The following HUWE1 variants were observed in gnomAD, a reference collection of about 807,000 sequenced individuals.
The protein encoded by HUWE1 is E3 ubiquitin-protein ligase HUWE1.
In HUWE1, 18 loss-of-function variants were observed where a neutral mutation model predicts 299.4. That is an observed-to-expected ratio of 0.06 (90% CI 0.04 to 0.09). HUWE1 has a LOEUF of 0.09. Among genes scored for constraint, HUWE1 ranks in the 10% least tolerant of loss-of-function variants. The pLI, the probability that HUWE1 is intolerant of heterozygous loss-of-function variation, is 1.00. For synonymous variants in HUWE1, 1,317 were observed against 1,286.1 expected (o/e 1.02, Z -0.51); for missense variants, 1,832 against 3,462.3 (o/e 0.53, Z 11.82).
chrX:53,601,050 T>C (rs1459210425), intron 28 of HUWE1, among the ~76,000 whole-genome samples: 1 of 112,204 alleles, frequency 8.9e-6, no homozygotes, highest in African/African-American at 3.2e-5. Flanking sequence ...AGTTTATTAA[T>C]GTTATCCCAT....
chrX:53,615,749 T>C lies in HUWE1; in HGVS notation c.2044A>G (p.Ile682Val), dbSNP rs147812278. The change falls in exon 22 of 84, where the codon ATC (isoleucine) becomes GTC (valine). Residue 682 changes from isoleucine to valine, a missense_variant. This residue lies in a region of HUWE1 where 658 missense variants were observed against 1,282.6 expected (regional missense o/e 0.51). Coordinates refer to ENST00000262854, the MANE Select transcript of HUWE1 (RefSeq NM_031407.7). ...TLKTDATTAI[I>V]KLLEEICNLG... ...ACATCCTTATCACTTTCTACCTTGA[T>C]GATGGCAGTCGTTGCATCTGTTTTA... is the stretch of plus-strand genomic sequence containing the variant. 5.0e-6 allele frequency: 6 copies of C among 1,197,801 alleles called. No homozygotes were observed. Among genetic ancestry groups the C allele is most frequent in the Non-Finnish European group, 5.7e-6 (5 of 884,559 alleles).
chrX:53,605,074 G>A (rs2065077623), intron 25 of HUWE1, among the ~76,000 whole-genome samples: 1 of 111,923 alleles, frequency 8.9e-6, no homozygotes, highest in South Asian at 3.7e-4. Context: ...ACACTTAAAA[G>A]CTTATGATGG....
intron 8 of HUWE1, 127 bp downstream of exon 8, chrX:53,634,109 A>G: frequency 1.8e-6 from 1 of 563,202 alleles, no homozygotes; most frequent in Non-Finnish European, 3.1e-6. Flanking sequence ...GTCTGAACTG[A>G]TCTTAGGTTC....
chrX:53,606,087 G>GC (rs2065137435), intron 25 of HUWE1, among the ~76,000 whole-genome samples: 1 of 111,610 alleles, frequency 9.0e-6, no homozygotes. Flanking sequence ...GTTTACACAG[G>GC]CAACAAAAAC....
intron 59 of HUWE1, among the ~76,000 whole-genome samples, chrX:53,558,384 C>T (rs1358017848): frequency 1.8e-5 from 2 of 111,639 alleles, no homozygotes; most frequent in South Asian, 3.8e-4. Flanking sequence ...CTGTCCTTGG[C>T]GGTAGAGACT....
intron 46 of HUWE1, 123 bp from the exon 47 acceptor site, chrX:53,574,087 C>T (rs1556955840): frequency 1.4e-5 from 8 of 561,549 alleles, no homozygotes; most frequent in East Asian, 3.4e-5. Flanking sequence ...TGAATGCTCT[C>T]GTGACACTGC....
intron 43 of HUWE1, among the ~76,000 whole-genome samples, 200 bp from the exon 44 acceptor site, chrX:53,577,267 A>G (rs949644283): frequency 1.8e-5 from 2 of 110,342 alleles, no homozygotes; most frequent in East Asian, 2.8e-4. Flanking sequence ...TAGCAGTACC[A>G]AATAGTAAAG....
intron 7 of HUWE1, among the ~76,000 whole-genome samples, chrX:53,642,466 A>G (rs782137844): frequency 8.9e-6 from 1 of 112,107 alleles, no homozygotes; most frequent in Non-Finnish European, 1.9e-5. Context: ...TTATTTGAGT[A>G]TCTACTAATG....
chrX:53,544,388 T>G, intron 72 of HUWE1, among the ~76,000 whole-genome samples, 172 bp downstream of exon 72: 1 of 110,647 alleles, frequency 9.0e-6, no homozygotes, highest in African/African-American at 3.3e-5. Flanking sequence ...CCTACGCAGA[T>G]AGCTTGAATG....
chrX:53,558,249 T>C (rs1361909705), intron 59 of HUWE1, among the ~76,000 whole-genome samples: 5 of 111,773 alleles, frequency 4.5e-5, no homozygotes, highest in African/African-American at 1.6e-4. Flanking sequence ...CCTAGGCTGA[T>C]CTTACTCAAA....
chrX:53,562,104 C>T lies in HUWE1; in HGVS notation c.7338+7G>A. ...TCTGAACCAACCCAAACGCAGTCCCCCCTCACCTGATCATCTTCCTCATCT... is the reference window on the plus strand; with the variant it reads ...TCTGAACCAACCCAAACGCAGTCCCTCCTCACCTGATCATCTTCCTCATCT... On this transcript the variant is annotated splice_region_variant and intron_variant, in intron 54 of 83. Transcript: ENST00000262854. The T allele has an allele frequency of 8.3e-7, 1 of 1,210,198 alleles. No individual in the cohort carries two copies.
chrX:53,622,962 G>GTAC (rs1453604945), intron 19 of HUWE1, among the ~76,000 whole-genome samples: 1 of 111,698 alleles, frequency 9.0e-6, no homozygotes. Context: ...TCTCTCTCAA[G>GTAC]TACAAGTGTA....
At position 53,569,606 on chromosome X, in the gene HUWE1, T is replaced by G; in HGVS notation, c.6524+10A>C. 8.3e-7 allele frequency: 1 copy of G among 1,199,698 alleles called. No homozygotes were observed. Among genetic ancestry groups the G allele is most frequent in the Non-Finnish European group, 1.1e-6 (1 of 884,683 alleles). On this transcript the variant is annotated intron_variant, in intron 48 of 83. Coordinates refer to ENST00000262854, the MANE Select transcript of HUWE1 (RefSeq NM_031407.7). ...TTGGCTATTAGCCCTGGGACAGGTA[T>G]GAATCTTACCTGGCATGTTTCTCTG...
chrX:53,658,006 G>A (rs1232695648), intron 3 of HUWE1, among the ~76,000 whole-genome samples: 2 of 82,710 alleles, frequency 2.4e-5, no homozygotes, highest in East Asian at 4.1e-4. Flanking sequence ...CTGAGATGGC[G>A]CCACTGCACT....
intron 20 of HUWE1, 36 bp downstream of exon 20, chrX:53,617,304 T>C: frequency 9.6e-7 from 1 of 1,040,275 alleles, no homozygotes; most frequent in Non-Finnish European, 1.3e-6. Flanking sequence ...TTTCACGCCC[T>C]AAGACATTCT....
At chrX:53,620,586 C>A (rs1198456788) in intron 19 of HUWE1, among the ~76,000 whole-genome samples, 1 of 111,716 alleles carries the variant, frequency 9.0e-6, no homozygotes, top group African/African-American at 3.3e-5. Flanking sequence ...CTAATAGAGG[C>A]ATAATGGCTT....
intron 6 of HUWE1, among the ~76,000 whole-genome samples, chrX:53,646,459 TA>T (rs1436995841): frequency 8.9e-6 from 1 of 111,854 alleles, no homozygotes; most frequent in Admixed American, 9.5e-5. Flanking sequence ...CACCTGGCCT[TA>T]CTTTGGCTTT....
chrX:53,589,697 G>A lies in HUWE1; in HGVS notation c.4311C>T (p.His1437=). The A allele has an allele frequency of 8.3e-7, 1 of 1,211,779 alleles. No individual in the cohort carries two copies. The highest frequency in any genetic ancestry group is 1.1e-6 in the Non-Finnish European group (1 of 895,459). The part of the protein sequence containing the change: ...DADPLEQDEL[H]TFTDTMLPGC... ...CTGGCAACATAGTATCTGTGAAAGT[G>A]TGGAGCTCATCTTGTTCCAACGGGT... Residue 1437 remains histidine (H), a synonymous_variant, in exon 36 of 84, where the codon CAC becomes CAT. Transcript: ENST00000262854.
At chrX:53,570,785 T>C (rs1261352067) in intron 47 of HUWE1, among the ~76,000 whole-genome samples, 1 of 112,235 alleles carries the variant, frequency 8.9e-6, no homozygotes, top group Admixed American at 9.4e-5. Context: ...AGGTGACAGT[T>C]GCACAACACT....
Sources: allele counts gnomAD v4.1 joint callset (sites outside exome capture counted in the v4.1 genomes callset), GRCh38; gene constraint gnomAD v4.1.1; regional missense constraint gnomAD v4.1.1; transcripts MANE v1.5; gene names NCBI Gene and HGNC (gene_info 2026-07-23, HGNC 2026-07-21).